The following CADM2 variants were observed in gnomAD, a reference collection of about 807,000 sequenced individuals.
CADM2 encodes the protein immunoglobulin superfamily member 4D.
Under a neutral mutation model 49.8 loss-of-function variants are expected in CADM2, and 12 were observed. The ratio of observed to expected loss-of-function variants is 0.24; its 90% confidence interval spans 0.15 to 0.39. The LOEUF (loss-of-function observed/expected upper bound fraction) is 0.39, where lower values mean the gene tolerates loss of function less well. Among genes scored for constraint, CADM2 ranks in the 10% least tolerant of loss-of-function variants. The pLI is 1.00. For missense variants in CADM2, 378 were observed against 492.3 expected (o/e 0.77, Z 2.20); for synonymous variants, 214 against 175.4 (o/e 1.22, Z -1.74).
At chr3:85,109,025 G>T (rs1176017554) in intron 1 of CADM2, among the ~76,000 whole-genome samples, 1 of 151,990 alleles carries the variant, frequency 6.6e-6, no homozygotes, top group Admixed American at 6.6e-5. Flanking sequence ...TTGCTATTTT[G>T]TGTGGTTTTT....
At chr3:85,118,310 CA>C (rs2038716878) in intron 1 of CADM2, among the ~76,000 whole-genome samples, 1 of 151,986 alleles carries the variant, frequency 6.6e-6, no homozygotes, top group Admixed American at 6.6e-5. Flanking sequence ...AATACATTAA[CA>C]ATGAGTATCT....
intron 1 of CADM2, among the ~76,000 whole-genome samples, chr3:85,270,552 A>G (rs1453801849): frequency 1.3e-5 from 2 of 151,288 alleles, no homozygotes; most frequent in African/African-American, 4.8e-5. Context: ...TGATCATGCT[A>G]TCTTGCCCTG....
At chr3:85,168,768 C>T (rs937104204) in intron 1 of CADM2, among the ~76,000 whole-genome samples, 2 of 152,092 alleles carry the variant, frequency 1.3e-5, no homozygotes, top group Non-Finnish European at 2.9e-5. Flanking sequence ...ACCTGGATTT[C>T]TTCTGTGAAA....
rs533475396 is a variant in CADM2, at chr3:85,699,124, C to T, written c.62-27398C>T. On this transcript the variant is annotated intron_variant, in intron 1 of 9. Transcript: ENST00000383699. The stretch of plus-strand genomic sequence containing the variant: ...TAAACTTTAATCTCCAAAATAATCT[C>T]CTTTGACTCCATGTCCCACATCCAT... 3.9e-5 allele frequency among the ~76,000 whole-genome samples: 6 copies of T among 152,306 alleles called. No homozygotes were observed. The East Asian group carries it at 1.2e-3, about 29-fold the overall frequency.
intron 3 of CADM2, among the ~76,000 whole-genome samples, chr3:85,868,470 C>T (rs2075802353): frequency 1.3e-5 from 2 of 152,060 alleles, no homozygotes; most frequent in Non-Finnish European, 2.9e-5. Flanking sequence ...AGCCTGTTAT[C>T]TTGATTGCCT....
At chr3:85,304,421 G>A (rs918808539) in intron 1 of CADM2, among the ~76,000 whole-genome samples, 1 of 151,850 alleles carries the variant, frequency 6.6e-6, no homozygotes, top group East Asian at 1.9e-4. Context: ...ATTTAAAGAT[G>A]TTAATTAAAT....
chr3:85,116,113 G>C (rs1967400), intron 1 of CADM2, among the ~76,000 whole-genome samples: 1 of 152,060 alleles, frequency 6.6e-6, no homozygotes, highest in African/African-American at 2.4e-5. Context: ...GATTACTTGA[G>C]GTCAAGAGTT....
chr3:85,375,303 T>G (rs1050053251), intron 1 of CADM2, among the ~76,000 whole-genome samples: 12 of 152,290 alleles, frequency 7.9e-5, no homozygotes, highest in South Asian at 2.1e-4. Context: ...TCCAATTAAA[T>G]TTCTTTCCAC....
intron 3 of CADM2, among the ~76,000 whole-genome samples, chr3:85,869,505 C>CA (rs1396461066): frequency 1.3e-5 from 2 of 152,078 alleles, no homozygotes; most frequent in Non-Finnish European, 2.9e-5. Context: ...GAATTAATCA[C>CA]AGGTGGTCCC....
chr3:85,771,375 A>G (rs1408104612), intron 2 of CADM2, among the ~76,000 whole-genome samples: 1 of 152,112 alleles, frequency 6.6e-6, no homozygotes, highest in Non-Finnish European at 1.5e-5. Flanking sequence ...TAAGTTGAAT[A>G]AACTGAAAAG....
chr3:85,372,591 C>T (rs2033330934), intron 1 of CADM2, among the ~76,000 whole-genome samples: 1 of 151,938 alleles, frequency 6.6e-6, no homozygotes. Flanking sequence ...ACCCCTCTGG[C>T]CCACATTTAT....
chr3:85,799,320 G>A (rs150599691), intron 2 of CADM2, among the ~76,000 whole-genome samples: 9 of 152,294 alleles, frequency 5.9e-5, no homozygotes, highest in African/African-American at 2.2e-4. Flanking sequence ...GAATAGGAGT[G>A]GTGAGAGAGG....
chr3:85,010,866 T>TTTTTTTTTTTTTTTTTTTTTTG (rs2033956587), intron 1 of CADM2, among the ~76,000 whole-genome samples: 1 of 118,902 alleles, frequency 8.4e-6, no homozygotes, highest in Non-Finnish European at 1.7e-5. Context: ...TTTTTTTTTT[T>TTTTTTTTTTTTTTTTTTTTTTG]TTTTTTTTTT....
In CADM2 at chr3:85,856,081, G is replaced by C. The variant is rs189694988; in HGVS notation, c.239-27210G>C. On this transcript the variant is annotated intron_variant, in intron 3 of 9. Transcript: ENST00000383699. ...ACCCTTCCATTTATAGCAATGAAGAGATTCTTCTTTTTGCTAGAGTTTAGT... is the reference window on the plus strand; with the variant it reads ...ACCCTTCCATTTATAGCAATGAAGACATTCTTCTTTTTGCTAGAGTTTAGT... Among the ~76,000 whole-genome samples the C allele has an allele frequency of 1.5e-4, 23 of 152,254 alleles. 1 individual carries two copies. Among genetic ancestry groups the C allele is most frequent in the Admixed American group, 4.6e-4 (7 of 15,280 alleles).
chr3:85,829,197 T>C (rs2074066485), intron 3 of CADM2, among the ~76,000 whole-genome samples: 1 of 151,972 alleles, frequency 6.6e-6, no homozygotes, highest in African/African-American at 2.4e-5. Flanking sequence ...TTCAGGTTTC[T>C]TTAATAGTAG....
intron 1 of CADM2, among the ~76,000 whole-genome samples, chr3:85,318,802 T>G (rs2107090263): frequency 6.6e-6 from 1 of 152,320 alleles, no homozygotes; most frequent in South Asian, 2.1e-4. Context: ...AGTGCTAATT[T>G]AGCAAGTAAG....
intron 1 of CADM2, among the ~76,000 whole-genome samples, chr3:85,068,803 T>C (rs931811792): frequency 1.3e-5 from 2 of 152,148 alleles, no homozygotes; most frequent in Non-Finnish European, 2.9e-5. Flanking sequence ...CTTTTGGTTT[T>C]TGTACCTAGC....
At chr3:85,643,030 A>G (rs1301691333) in intron 1 of CADM2, among the ~76,000 whole-genome samples, 1 of 152,170 alleles carries the variant, frequency 6.6e-6, no homozygotes, top group African/African-American at 2.4e-5. Flanking sequence ...TAAGTATATT[A>G]ATAATTCTTA....
chr3:85,495,609 A>T (rs1559869224), intron 1 of CADM2, among the ~76,000 whole-genome samples: 1 of 152,074 alleles, frequency 6.6e-6, no homozygotes. Context: ...GACCAAATAC[A>T]TGATTATAGG....
Sources: allele counts gnomAD v4.1 joint callset (sites outside exome capture counted in the v4.1 genomes callset), GRCh38; gene constraint gnomAD v4.1.1; transcripts MANE v1.5; gene names NCBI Gene and HGNC (gene_info 2026-07-23, HGNC 2026-07-21).